The following NDFIP1 variants were observed in gnomAD, a reference collection of about 807,000 sequenced individuals.
NDFIP1 encodes Nedd4 family interacting protein 1.
NDFIP1 carries 7 observed loss-of-function variants against 28.8 expected under a neutral mutation model. The ratio of observed to expected loss-of-function variants is 0.24; its 90% CI spans 0.14 to 0.46. NDFIP1 has a LOEUF of 0.46. NDFIP1 is among the 20% of genes least tolerant of loss of function. The pLI is 0.99. For synonymous variants in NDFIP1, 92 were observed against 101.0 expected, an observed-to-expected ratio of 0.91 and a Z score of 0.53; for missense variants, 194 against 269.1, an observed-to-expected ratio of 0.72 and a Z score of 1.95.
chr5:142,135,715 T>C lies in NDFIP1; in HGVS notation c.283-15T>C. The C allele has an allele frequency of 1.9e-6, 3 of 1,609,800 alleles. No individual in the cohort carries two copies. The highest frequency in any genetic ancestry group is 2.6e-6 in the Non-Finnish European group (3 of 1,176,428). ...TTCCCTTTGCCTAGAAATAATTCTT[T>C]TTCTTTTCATTTAGGATGAGGATTT... On this transcript the variant is annotated splice_polypyrimidine_tract_variant and intron_variant, in intron 3 of 7. Coordinates refer to ENST00000253814, the MANE Select transcript of NDFIP1 (RefSeq NM_030571.4).
chr5:142,144,572 C>T lies in NDFIP1; in HGVS notation c.564C>T (p.Gly188=), dbSNP rs1288507188. Residue 188 remains glycine (G), a splice_region_variant and synonymous_variant, in exon 7 of 8, where the codon GGC becomes GGT. Coordinates refer to ENST00000253814, the MANE Select transcript of NDFIP1 (RefSeq NM_030571.4). ...YWLWWVFLVL[G]FLLFLRGFIN... ...CATGACTTTTCTTTTTTAAATTAGG[C>T]TTTCTCCTGTTTCTCAGAGGATTTA... The T allele has an allele frequency of 6.3e-7, 1 of 1,597,652 alleles. No homozygotes were observed.
intron 5 of NDFIP1, among the ~76,000 whole-genome samples, chr5:142,138,582 G>A (rs1757297168): frequency 6.6e-6 from 1 of 152,146 alleles, no homozygotes; most frequent in South Asian, 2.1e-4. Flanking sequence ...GACCACTGTA[G>A]TTTTTCTACG....
chr5:142,144,540 AT>A, intron 6 of NDFIP1, 30 bp from the exon 7 acceptor site: 1 of 1,500,732 alleles, frequency 6.7e-7, no homozygotes, highest in Admixed American at 1.8e-5. Context: ...GAAATTATAA[AT>A]TCATTCATGA....
intron 3 of NDFIP1, among the ~76,000 whole-genome samples, chr5:142,135,384 C>T (rs952508455): frequency 6.6e-6 from 1 of 152,004 alleles, no homozygotes; most frequent in Non-Finnish European, 1.5e-5. Flanking sequence ...TTTGTCTTTT[C>T]TTGAGGTATA....
chr5:142,150,166 G>T (rs1757430451), intron 7 of NDFIP1, among the ~76,000 whole-genome samples: 1 of 124,480 alleles, frequency 8.0e-6, no homozygotes. Context: ...GGGTGATAGA[G>T]CGGGACTCCG....
intron 7 of NDFIP1, among the ~76,000 whole-genome samples, chr5:142,148,458 G>A (rs1163851005): frequency 6.6e-6 from 1 of 152,106 alleles, no homozygotes; most frequent in Admixed American, 6.6e-5. Flanking sequence ...CCATCAAGAA[G>A]TATGTGACTG....
At chr5:142,140,777 A>AAAT (rs1479567305) in intron 6 of NDFIP1, 148 bp downstream of exon 6, 1 of 669,358 alleles carries the variant, frequency 1.5e-6, no homozygotes, top group Non-Finnish European at 2.3e-6. Flanking sequence ...GCTTTCTTAA[A>AAAT]AATAGTCTTT....
intron 7 of NDFIP1, among the ~76,000 whole-genome samples, chr5:142,151,037 T>G (rs1757442168): frequency 6.6e-6 from 1 of 152,222 alleles, no homozygotes; most frequent in Admixed American, 6.5e-5. Flanking sequence ...CTCAAAGTAT[T>G]AGATGAAAAC....
chr5:142,142,213 T>A (rs1757339267), intron 6 of NDFIP1, among the ~76,000 whole-genome samples: 1 of 152,104 alleles, frequency 6.6e-6, no homozygotes, highest in Non-Finnish European at 1.5e-5. Context: ...ACATTTTACT[T>A]AGAAAACATA....
intron 7 of NDFIP1, among the ~76,000 whole-genome samples, chr5:142,150,134 T>C (rs1057190651): frequency 6.7e-6 from 1 of 149,544 alleles, no homozygotes; most frequent in Non-Finnish European, 1.5e-5. Context: ...TGAGCCGAAA[T>C]TGTGCCACTG....
At chr5:142,135,020 C>G (rs1450315940) in intron 3 of NDFIP1, among the ~76,000 whole-genome samples, 2 of 152,050 alleles carry the variant, frequency 1.3e-5, no homozygotes. Context: ...ACTCTGTTGC[C>G]CAGGCTGGAG....
chr5:142,118,116 A>G (rs1418599307), intron 1 of NDFIP1, among the ~76,000 whole-genome samples: 1 of 152,212 alleles, frequency 6.6e-6, no homozygotes, highest in African/African-American at 2.4e-5. Flanking sequence ...CCCTATTAGC[A>G]TCTTATATCA....
chr5:142,148,137 T>G (rs770346217), intron 7 of NDFIP1, among the ~76,000 whole-genome samples: 1 of 152,216 alleles, frequency 6.6e-6, no homozygotes, highest in Non-Finnish European at 1.5e-5. Flanking sequence ...CTTTCCATAT[T>G]GTACTAAGAT....
intron 1 of NDFIP1, among the ~76,000 whole-genome samples, chr5:142,124,699 T>C (rs1169319395): frequency 3.9e-5 from 6 of 152,244 alleles, no homozygotes; most frequent in African/African-American, 1.4e-4. Context: ...TTTAAATGTG[T>C]TTTCATTTTG....
intron 1 of NDFIP1, among the ~76,000 whole-genome samples, chr5:142,128,269 G>A (rs748565607): frequency 3.3e-5 from 5 of 152,102 alleles, no homozygotes; most frequent in Non-Finnish European, 5.9e-5. Context: ...ACAATGCCGC[G>A]TATTCTTTCA....
At chr5:142,116,352 T>TCCTTCTTTCTCTCTCTCTCTCTC (rs1561597776) in intron 1 of NDFIP1, among the ~76,000 whole-genome samples, 12 of 116,272 alleles carry the variant, frequency 1.0e-4, no homozygotes, top group African/African-American at 5.1e-4. Flanking sequence ...CCTTCCTTCT[T>TCCTTCTTTCTCTCTCTCTCTCTC]TCTCTCTCTC....
intron 7 of NDFIP1, among the ~76,000 whole-genome samples, chr5:142,150,196 AAAAATAT>A (rs760112654): frequency 2.9e-4 from 26 of 91,182 alleles, no homozygotes; most frequent in African/African-American, 2.5e-3. Context: ...AAAAAAAAAA[AAAAATAT>A]ATAGAAACTG....
intron 1 of NDFIP1, among the ~76,000 whole-genome samples, chr5:142,121,525 T>C (rs1757122282): frequency 6.6e-6 from 1 of 152,226 alleles, no homozygotes; most frequent in South Asian, 2.1e-4. Flanking sequence ...AAAGTTTGTT[T>C]GTTTCACACG....
At chr5:142,146,907 A>G (rs1302543065) in intron 7 of NDFIP1, among the ~76,000 whole-genome samples, 1 of 152,140 alleles carries the variant, frequency 6.6e-6, no homozygotes, top group Non-Finnish European at 1.5e-5. Flanking sequence ...GATATTCTAA[A>G]TTTAAAACTA....
Sources: allele counts gnomAD v4.1 joint callset (sites outside exome capture counted in the v4.1 genomes callset), GRCh38; gene constraint gnomAD v4.1.1; transcripts MANE v1.5; gene names NCBI Gene and HGNC (gene_info 2026-07-23, HGNC 2026-07-21).